Variants in RFTN2 observed in about 807,000 individuals in gnomAD.
The protein encoded by RFTN2 is raftlin family member 2, also known as raftlin-2.
Under a neutral mutation model 52.7 loss-of-function variants are expected in RFTN2, and 34 were observed. The observed-to-expected ratio is 0.64, with a 90% confidence interval of 0.49 to 0.86. The LOEUF (loss-of-function observed/expected upper bound fraction) is 0.86. Among genes scored for constraint, RFTN2 ranks in the 40% least tolerant of loss-of-function variants. The pLI is 0.00. For missense variants in RFTN2, 536 were observed against 600.1 expected (o/e 0.89, Z 1.12); for synonymous variants, 203 against 217.7 (o/e 0.93, Z 0.59).
At chr2:197,615,734 C>G in intron 7 of RFTN2, 142 bp downstream of exon 7, 1 of 587,972 alleles carries the variant, frequency 1.7e-6, no homozygotes, top group South Asian at 2.0e-5. Flanking sequence ...TTACTAACCT[C>G]TAAGGTCCAT....
intron 8 of RFTN2, among the ~76,000 whole-genome samples, chr2:197,573,530 A>G (rs574576511): frequency 5.3e-5 from 8 of 152,346 alleles, no homozygotes; most frequent in Admixed American, 2.0e-4. Context: ...GTATTCACAA[A>G]GATATGGTTT....
At chr2:197,610,260 C>T (rs1424323045) in intron 7 of RFTN2, among the ~76,000 whole-genome samples, 1 of 152,120 alleles carries the variant, frequency 6.6e-6, no homozygotes, top group Non-Finnish European at 1.5e-5. Flanking sequence ...ATGGAATGTT[C>T]TTCCATTTGT....
At chr2:197,587,349 A>T (rs1200587749) in intron 8 of RFTN2, among the ~76,000 whole-genome samples, 1 of 152,180 alleles carries the variant, frequency 6.6e-6, no homozygotes, top group African/African-American at 2.4e-5. Context: ...TTAATATAAG[A>T]AGAAAGGAAT....
intron 7 of RFTN2, among the ~76,000 whole-genome samples, chr2:197,606,666 G>A (rs55751750): frequency 0.69 from 102,439 of 147,614 alleles, 35,921 homozygotes; most frequent in Middle Eastern, 0.85. Context: ...AAAAGTGGGC[G>A]AAGGATATGA....
At chr2:197,589,095 C>A (rs933721683) in intron 8 of RFTN2, among the ~76,000 whole-genome samples, 4 of 151,706 alleles carry the variant, frequency 2.6e-5, no homozygotes, top group African/African-American at 9.7e-5. Context: ...GTGCTACGCG[C>A]CTGTAATCCC....
chr2:197,599,648 G>GT (rs1163879627), intron 7 of RFTN2, among the ~76,000 whole-genome samples: 1 of 152,098 alleles, frequency 6.6e-6, no homozygotes, highest in Non-Finnish European at 1.5e-5. Flanking sequence ...ATCATTGCCT[G>GT]TATGTTTGAA....
At chr2:197,621,427 A>T in intron 5 of RFTN2, among the ~76,000 whole-genome samples, 2 of 129,698 alleles carry the variant, frequency 1.5e-5, no homozygotes, top group African/African-American at 6.0e-5. Context: ...TTCAAATTGA[A>T]GGTTTGTGGC....
intron 1 of RFTN2, among the ~76,000 whole-genome samples, chr2:197,648,540 T>A (rs1356391239): frequency 6.6e-6 from 1 of 152,142 alleles, no homozygotes; most frequent in Non-Finnish European, 1.5e-5. Flanking sequence ...ACAAAGGAAC[T>A]GAAAAACTAT....
chr2:197,582,683 A>G (rs1249169382), intron 8 of RFTN2, among the ~76,000 whole-genome samples: 1 of 152,172 alleles, frequency 6.6e-6, no homozygotes, highest in Middle Eastern at 3.2e-3. Flanking sequence ...CCACACCACC[A>G]TGCTGTTATA....
chr2:197,631,136 A>G lies in RFTN2; in HGVS notation c.803T>C (p.Met268Thr), dbSNP rs1265218110. ...GACTGATCCTTTTCTTGTTACTTTC[A>G]TTGACAGGATGCCTTCCTGATAGGC... ...SWAYQEGILS[M>T]KVTRKGSVIS... The change falls in exon 5 of 9, where the codon ATG (methionine) becomes ACG (threonine). Residue 268 changes from methionine to threonine, a missense_variant. Physicochemically the swap from Met to Thr is moderately conservative, Grantham distance 81 (BLOSUM62 -1). Transcript: ENST00000295049. The G allele has an allele frequency of 1.9e-6, 3 of 1,613,530 alleles. No individual in the cohort carries two copies. The highest frequency in any genetic ancestry group is 2.7e-5 in the African/African-American group (2 of 74,922).
In RFTN2 at chr2:197,587,894, C is replaced by T. The variant is rs1450122996; in HGVS notation, c.1233+8097G>A. The stretch of plus-strand genomic sequence containing the variant: ...TTCTTGGAGATTATCTACTTCAGTC[C>T]CCTTATTCTACAGAGGTGGGGCCCA... On this transcript the variant is annotated intron_variant, in intron 8 of 8. Coordinates refer to ENST00000295049, the MANE Select transcript of RFTN2 (RefSeq NM_144629.3). 3.3e-5 allele frequency: 14 copies of T among 423,694 alleles called. No homozygotes were observed. The East Asian group carries it at 8.7e-4, about 26-fold the overall frequency. The allele number at this position is 423,694 out of a possible 1,614,324, so 26.2% of individuals were successfully genotyped here.
At chr2:197,593,135 A>G (rs972617044) in intron 8 of RFTN2, among the ~76,000 whole-genome samples, 1 of 152,224 alleles carries the variant, frequency 6.6e-6, no homozygotes, top group African/African-American at 2.4e-5. Context: ...ATACAAACCA[A>G]CTATATATAC....
At chr2:197,646,270 A>AT (rs1484246088) in intron 2 of RFTN2, among the ~76,000 whole-genome samples, 1 of 152,178 alleles carries the variant, frequency 6.6e-6, no homozygotes, top group Admixed American at 6.5e-5. Flanking sequence ...CTTAGGACAC[A>AT]TTTGTCTGCA....
intron 1 of RFTN2, among the ~76,000 whole-genome samples, chr2:197,662,742 T>C (rs949595496): frequency 2.0e-5 from 3 of 152,154 alleles, no homozygotes; most frequent in Non-Finnish European, 4.4e-5. Context: ...TGAGATGTCT[T>C]TTCTTTTGTT....
At chr2:197,659,963 GTGTTT>G (rs2106265768) in intron 1 of RFTN2, among the ~76,000 whole-genome samples, 1 of 152,314 alleles carries the variant, frequency 6.6e-6, no homozygotes, top group Admixed American at 6.5e-5. Flanking sequence ...AATATGTGAA[GTGTTT>G]TATGTGCCAA....
At chr2:197,600,542 T>C (rs1286813296) in intron 7 of RFTN2, among the ~76,000 whole-genome samples, 3 of 152,124 alleles carry the variant, frequency 2.0e-5, no homozygotes, top group Non-Finnish European at 2.9e-5. Flanking sequence ...TCTGAAGCCT[T>C]ATAGAGGGAC....
chr2:197,610,356 G>C (rs1559348085), intron 7 of RFTN2, among the ~76,000 whole-genome samples: 3 of 152,062 alleles, frequency 2.0e-5, no homozygotes, highest in Non-Finnish European at 1.5e-5. Context: ...GGATTCCTAG[G>C]TATTTTATTC....
Position 197,675,382 on chromosome 2 carries a change from G to C in RFTN2, c.77C>G (p.Pro26Arg). The C allele has an allele frequency of 6.2e-7, 1 of 1,604,086 alleles. No individual in the cohort carries two copies. The highest frequency in any genetic ancestry group is 8.5e-7 in the Non-Finnish European group (1 of 1,175,346). ...AAATTCTGTCTTTGTTTCCACTTGC[G>C]GTCTCTTCAGGGTAGAAAATATTTT... ...PGKIFSTLKR[P>R]QVETKTEFAY... Residue 26 changes from proline to arginine, a missense_variant, in exon 1 of 9, where the codon CCG becomes CGG. Transcript: ENST00000295049.
chr2:197,586,657 C>T (rs970579591), intron 8 of RFTN2, among the ~76,000 whole-genome samples: 1 of 152,180 alleles, frequency 6.6e-6, no homozygotes, highest in Admixed American at 6.5e-5. Context: ...TCTGCGTCCA[C>T]TAATGTTCTT....
Sources: allele counts gnomAD v4.1 joint callset (sites outside exome capture counted in the v4.1 genomes callset), GRCh38; gene constraint gnomAD v4.1.1; transcripts MANE v1.5; gene names NCBI Gene and HGNC (gene_info 2026-07-23, HGNC 2026-07-21).